The following FHIT variants were observed in gnomAD, a reference collection of about 807,000 sequenced individuals.
FHIT encodes fragile histidine triad diadenosine triphosphatase.
FHIT carries 19 observed loss-of-function variants against 17.9 expected under a neutral mutation model. The observed-to-expected ratio is 1.06, with a 90% CI of 0.74 to 1.56. The LOEUF (loss-of-function observed/expected upper bound fraction) is 1.56. Among genes scored for constraint, FHIT ranks in the 40% most tolerant of loss-of-function variants. The pLI is 0.00. For synonymous variants in FHIT, 81 were observed against 69.7 expected (o/e 1.16, Z -0.81); for missense variants, 248 against 189.2 (o/e 1.31, Z -1.82).
At chr3:60,685,585 C>T (rs1716734) in intron 4 of FHIT, among the ~76,000 whole-genome samples, 136,523 of 152,196 alleles carry the variant, frequency 0.9, 61,297 homozygotes, top group Non-Finnish European at 0.91. Flanking sequence ...CCAGTAAGGG[C>T]TTGCAAAGTT....
At chr3:59,924,208 T>C (rs1205892527) in intron 7 of FHIT, among the ~76,000 whole-genome samples, 1 of 152,166 alleles carries the variant, frequency 6.6e-6, no homozygotes, top group Non-Finnish European at 1.5e-5. Context: ...CAGACAACCC[T>C]TAGAAGGAGC....
intron 2 of FHIT, among the ~76,000 whole-genome samples, chr3:61,097,880 T>C (rs1559979424): frequency 1.3e-5 from 2 of 152,198 alleles, no homozygotes; most frequent in Non-Finnish European, 2.9e-5. Flanking sequence ...TTGCAAAAAT[T>C]TTCTCCCATT....
chr3:60,559,553 T>C (rs538789908), intron 4 of FHIT, among the ~76,000 whole-genome samples: 50 of 152,304 alleles, frequency 3.3e-4, no homozygotes, highest in African/African-American at 1.2e-3. Context: ...AAATTGCTGG[T>C]GTGCTCTCTC....
chr3:59,908,893 T>C (rs188075677), intron 8 of FHIT, among the ~76,000 whole-genome samples: 28 of 114,822 alleles, frequency 2.4e-4, no homozygotes, highest in African/African-American at 8.1e-4. Context: ...TTGTTATACT[T>C]GGCACTCAAA....
chr3:60,233,525 C>T (rs1283020914), intron 5 of FHIT, among the ~76,000 whole-genome samples: 1 of 152,148 alleles, frequency 6.6e-6, no homozygotes, highest in Non-Finnish European at 1.5e-5. Context: ...TCCCTCCCCG[C>T]TCTCCTCCTG....
chr3:60,892,596 G>A (rs1238785257), intron 3 of FHIT, among the ~76,000 whole-genome samples: 2 of 152,106 alleles, frequency 1.3e-5, no homozygotes, highest in African/African-American at 4.8e-5. Context: ...CTGAGAAGGT[G>A]GGAAAAAGGC....
intron 8 of FHIT, among the ~76,000 whole-genome samples, chr3:59,833,927 A>C (rs115097384): frequency 7.9e-5 from 12 of 152,120 alleles, no homozygotes; most frequent in African/African-American, 2.9e-4. Flanking sequence ...AGGTGCCTGC[A>C]TCTCCTTTGC....
intron 2 of FHIT, among the ~76,000 whole-genome samples, chr3:61,134,156 A>C (rs1216803559): frequency 3.8e-5 from 5 of 133,290 alleles, no homozygotes; most frequent in African/African-American, 8.8e-5. Context: ...GGTAGAGCTC[A>C]AGAAAGAGAA....
At chr3:59,894,717 T>C (rs2107035364) in intron 8 of FHIT, among the ~76,000 whole-genome samples, 1 of 152,332 alleles carries the variant, frequency 6.6e-6, no homozygotes, top group East Asian at 1.9e-4. Context: ...TTTCAGGGCA[T>C]TGCAAAGTGA....
At chr3:60,607,618 A>G (rs2107725203) in intron 4 of FHIT, among the ~76,000 whole-genome samples, 1 of 152,154 alleles carries the variant, frequency 6.6e-6, no homozygotes, top group East Asian at 1.9e-4. Flanking sequence ...TTCCCACACC[A>G]CATGCGTGAT....
At chr3:61,243,305 G>T (rs1163669854) in intron 1 of FHIT, among the ~76,000 whole-genome samples, 1 of 152,142 alleles carries the variant, frequency 6.6e-6, no homozygotes, top group Non-Finnish European at 1.5e-5. Context: ...TGTAATAAAT[G>T]ATTTCTCCTC....
At chr3:60,345,641 A>G (rs77711292) in intron 5 of FHIT, among the ~76,000 whole-genome samples, 2,843 of 152,304 alleles carry the variant, frequency 0.019, 81 homozygotes, top group African/African-American at 0.065. Context: ...AAAGTAGACT[A>G]TCGTCTCAAG....
intron 4 of FHIT, among the ~76,000 whole-genome samples, chr3:60,598,919 A>G (rs1165521095): frequency 6.6e-6 from 1 of 152,186 alleles, no homozygotes; most frequent in Non-Finnish European, 1.5e-5. Context: ...AAAGTGTTCT[A>G]GCAATGCCAA....
chr3:60,934,356 A>G (rs184871502), intron 3 of FHIT, among the ~76,000 whole-genome samples: 1 of 152,354 alleles, frequency 6.6e-6, no homozygotes, highest in Admixed American at 6.5e-5. Flanking sequence ...GCAGAAATAT[A>G]AAACCACTAA....
At chr3:61,234,650 G>A (rs1041168021) in intron 1 of FHIT, among the ~76,000 whole-genome samples, 2 of 152,138 alleles carry the variant, frequency 1.3e-5, no homozygotes, top group Non-Finnish European at 2.9e-5. Context: ...TATTTTTTGA[G>A]TATTTCTATA....
At position 59,752,251 on chromosome 3, in the gene FHIT, G is replaced by A. The variant is rs373882227; in HGVS notation, c.419C>T (p.Ala140Val). Reference protein sequence around the residue: ...RSEEEMAAEAAALRVYFQ With the variant: ...RSEEEMAAEAVALRVYFQ ...TCACTGAAAGTAGACCCGCAGAGCT[G>A]CGGCTTCTGCTGCCATTTCCTCCTC... The change falls in exon 9 of 10, where the codon GCA (alanine) becomes GTA (valine). Residue 140 changes from alanine to valine, a missense_variant. By Grantham distance (64) the Ala-to-Val change is moderately conservative. Coordinates refer to ENST00000492590, the MANE Select transcript of FHIT (RefSeq NM_002012.4). 1.2e-5 allele frequency: 19 copies of A among 1,612,842 alleles called. No individual in the cohort carries two copies. The highest frequency in any genetic ancestry group is 1.4e-5 in the Non-Finnish European group (17 of 1,179,308).
chr3:60,136,979 A>C (rs765800860), intron 5 of FHIT, among the ~76,000 whole-genome samples: 8 of 152,200 alleles, frequency 5.3e-5, no homozygotes, highest in Non-Finnish European at 1.2e-4. Flanking sequence ...TCTAATTAGA[A>C]TAAAATATTC....
chr3:60,716,565 C>T lies in FHIT; in HGVS notation c.-18+105354G>A, dbSNP rs564019182. ...TTCTTACCTCCAATGAAAACAATGCCTTCTTCTGAATACCTCCTGGAGTTC... is the reference window on the plus strand; with the variant it reads ...TTCTTACCTCCAATGAAAACAATGCTTTCTTCTGAATACCTCCTGGAGTTC... On this transcript the variant is annotated intron_variant, in intron 4 of 9. Transcript: ENST00000492590. Among the ~76,000 whole-genome samples the T allele has an allele frequency of 1.1e-4, 16 of 152,198 alleles. No individual in the cohort carries two copies. In the South Asian group the frequency reaches 3.3e-3, roughly 32 times the overall value.
intron 1 of FHIT, among the ~76,000 whole-genome samples, chr3:61,246,457 C>G (rs1207490148): frequency 6.6e-6 from 1 of 152,078 alleles, no homozygotes; most frequent in Non-Finnish European, 1.5e-5. Flanking sequence ...TTTATGAAAA[C>G]AAATCCAACA....
Sources: allele counts gnomAD v4.1 joint callset (sites outside exome capture counted in the v4.1 genomes callset), GRCh38; gene constraint gnomAD v4.1.1; transcripts MANE v1.5; gene names NCBI Gene and HGNC (gene_info 2026-07-23, HGNC 2026-07-21).